Variants in ZNF280D observed in about 807,000 individuals in gnomAD.
ZNF280D encodes suppressor of hairy wing homolog 4.
ZNF280D carries 39 observed loss-of-function variants against 94.7 expected under a neutral mutation model. The observed-to-expected ratio is 0.41, with a 90% CI of 0.32 to 0.54. The LOEUF is 0.54. Among genes scored for constraint, ZNF280D ranks in the 20% least tolerant of loss-of-function variants. ZNF280D has a pLI of 0.22. For synonymous variants in ZNF280D, 398 were observed against 377.6 expected (o/e 1.05, Z -0.63); for missense variants, 1,090 against 1,149.3 (o/e 0.95, Z 0.75).
At chr15:56,660,053 A>C (rs1468628234) in intron 16 of ZNF280D, among the ~76,000 whole-genome samples, 1 of 152,118 alleles carries the variant, frequency 6.6e-6, no homozygotes, top group African/African-American at 2.4e-5. Context: ...CCTAGGAGTA[A>C]TTACTATTAG....
At chr15:56,696,347 G>GT (rs1332193220) in intron 6 of ZNF280D, among the ~76,000 whole-genome samples, 1 of 152,124 alleles carries the variant, frequency 6.6e-6, no homozygotes, top group Admixed American at 6.5e-5. Context: ...CATGGTACAC[G>GT]TATCATATCA....
rs139087521 is a variant in ZNF280D at position 56,680,958 on chromosome 15, T to G, written c.1004+1296A>C. Among the ~76,000 whole-genome samples the G allele has an allele frequency of 3.8e-3, 579 of 152,350 alleles. 4 individuals are homozygous for G. Among genetic ancestry groups the G allele is most frequent in the African/African-American group, 0.013 (556 of 41,578 alleles). Reference sequence around the variant, plus strand: ...TTGGCATGACATCAGAAATAGGTGGTAGAGTTCTACTGCAACACTGTTTCA... The same window carrying G: ...TTGGCATGACATCAGAAATAGGTGGGAGAGTTCTACTGCAACACTGTTTCA... On this transcript the variant is annotated intron_variant, in intron 10 of 21. Transcript: ENST00000267807.
intron 1 of ZNF280D, among the ~76,000 whole-genome samples, chr15:56,729,296 A>G (rs724817): frequency 6.6e-6 from 1 of 152,334 alleles, no homozygotes; most frequent in East Asian, 1.9e-4. Flanking sequence ...ACTTGGCTGA[A>G]TATCACACAG....
intron 19 of ZNF280D, chr15:56,653,871 C>T (rs372482005): frequency 1.6e-6 from 2 of 1,234,522 alleles, no homozygotes; most frequent in Non-Finnish European, 2.0e-6. Flanking sequence ...GTCAACCTGA[C>T]ACAAAGATAA....
At chr15:56,720,801 T>C (rs567821148) in intron 1 of ZNF280D, among the ~76,000 whole-genome samples, 1 of 152,224 alleles carries the variant, frequency 6.6e-6, no homozygotes, top group South Asian at 2.1e-4. Context: ...AGTAATATTT[T>C]GAAAGGAAAA....
At chr15:56,656,176 A>G (rs997437235) in intron 17 of ZNF280D, among the ~76,000 whole-genome samples, 1 of 152,210 alleles carries the variant, frequency 6.6e-6, no homozygotes, top group South Asian at 2.1e-4. Context: ...GGCTGGTTCC[A>G]ACACTGCTTC....
At chr15:56,675,487 G>A (rs1359352935) in intron 13 of ZNF280D, among the ~76,000 whole-genome samples, 7 of 150,700 alleles carry the variant, frequency 4.6e-5, no homozygotes, top group African/African-American at 1.5e-4. Flanking sequence ...TCTATTCCAA[G>A]AATAAATAAA....
At chr15:56,634,803 T>C (rs1047203501) in intron 21 of ZNF280D, among the ~76,000 whole-genome samples, 1 of 152,110 alleles carries the variant, frequency 6.6e-6, no homozygotes, top group Non-Finnish European at 1.5e-5. Flanking sequence ...TAAGTAGTCT[T>C]ATAGCTTTTT....
At chr15:56,677,285 C>G (rs1047639949) in intron 12 of ZNF280D, among the ~76,000 whole-genome samples, 1 of 152,130 alleles carries the variant, frequency 6.6e-6, no homozygotes, top group Admixed American at 6.5e-5. Context: ...TTCTTTGTAT[C>G]TAACAGCACT....
Position 56,682,369 on chromosome 15 carries a change from T to A in ZNF280D, c.889A>T (p.Met297Leu). The part of the protein sequence containing the change: ...TIDSEKGKLI[M>L]LVNDFYYGKH... The stretch of plus-strand genomic sequence containing the variant: ...CCATAATAAAAGTCATTAACTAACA[T>A]GATCAATTTTCCTTTCTCTGAATCA... Residue 297 changes from methionine (M) to leucine (L), a missense_variant, in exon 10 of 22, where the codon ATG (methionine) becomes TTG (leucine). Physicochemically the swap from Met to Leu is conservative, Grantham distance 15. Coordinates refer to ENST00000267807, the MANE Select transcript of ZNF280D (RefSeq NM_017661.4). 1 of 1,596,278 alleles carries A rather than the reference T, an allele frequency of 6.3e-7. No homozygotes were observed. The highest frequency in any genetic ancestry group is 8.5e-7 in the Non-Finnish European group (1 of 1,175,478).
chr15:56,688,979 A>C (rs1421674723), intron 9 of ZNF280D, 62 bp downstream of exon 9: 2 of 1,010,434 alleles, frequency 2.0e-6, no homozygotes, highest in African/African-American at 3.3e-5. Context: ...TAATTACTGT[A>C]ATCATCAGTA....
chr15:56,669,951 ATATATATATAT>A (rs2054680469), intron 13 of ZNF280D, among the ~76,000 whole-genome samples: 1 of 1,616 alleles, frequency 6.2e-4, no homozygotes, highest in Admixed American at 0.022. Context: ...TATATATATT[ATATATATATAT>A]TATATATATA....
rs554936316 is a variant in ZNF280D at position 56,690,810 on chromosome 15, T to C, written c.500-1340A>G. Among the ~76,000 whole-genome samples, 32 of 152,292 alleles carry C rather than the reference T, an allele frequency of 2.1e-4. 1 individual carries two copies. The highest frequency in any genetic ancestry group is 7.5e-4 in the African/African-American group (31 of 41,570). ...AATTGTACATTAAAAGTAGAAATGG[T>C]ACGGTAACTATATTAGAAGTATTCC... On this transcript the variant is annotated intron_variant, in intron 7 of 21. Transcript: ENST00000267807.
chr15:56,716,609 G>C (rs898793623), intron 1 of ZNF280D, among the ~76,000 whole-genome samples: 2 of 151,676 alleles, frequency 1.3e-5, no homozygotes, highest in Non-Finnish European at 2.9e-5. Flanking sequence ...AAGAAATTCT[G>C]TCCTTATCCT....
intron 6 of ZNF280D, chr15:56,700,460 C>G (rs1163626540): frequency 1.1e-6 from 1 of 903,070 alleles, no homozygotes; most frequent in East Asian, 1.0e-4. Flanking sequence ...TTACCATTTT[C>G]TATTACTTTT....
intron 13 of ZNF280D, among the ~76,000 whole-genome samples, chr15:56,672,151 C>T (rs1452715917): frequency 1.3e-5 from 2 of 152,090 alleles, no homozygotes; most frequent in Non-Finnish European, 2.9e-5. Flanking sequence ...TTCCTCTCTT[C>T]CTATTTGAAT....
intron 1 of ZNF280D, among the ~76,000 whole-genome samples, chr15:56,721,522 T>C (rs1295886038): frequency 2.6e-5 from 4 of 152,222 alleles, no homozygotes; most frequent in African/African-American, 9.7e-5. Flanking sequence ...TAAATTATCT[T>C]AGGTAGATCT....
At chr15:56,679,998 A>G (rs2140988413) in intron 10 of ZNF280D, among the ~76,000 whole-genome samples, 1 of 152,348 alleles carries the variant, frequency 6.6e-6, no homozygotes, top group East Asian at 1.9e-4. Flanking sequence ...TATTAACATA[A>G]AATGTTCCCT....
chr15:56,677,152 T>C (rs2055288083), intron 12 of ZNF280D, among the ~76,000 whole-genome samples: 1 of 152,202 alleles, frequency 6.6e-6, no homozygotes, highest in African/African-American at 2.4e-5. Flanking sequence ...GAAACAGCAT[T>C]CTCCTTTAGA....
Sources: gnomAD v4.1 joint callset for allele counts (sites outside exome capture counted in the v4.1 genomes callset) on GRCh38, gnomAD v4.1.1 for gene constraint, MANE v1.5 for transcripts, NCBI Gene and HGNC (gene_info 2026-07-23, HGNC 2026-07-21) for gene names.